Variants in ABCA13 observed in about 807,000 individuals in gnomAD.
The protein encoded by ABCA13 is ATP-binding cassette sub-family A member 13.
A neutral mutation model predicts 478.7 loss-of-function variants in ABCA13; 476 were observed. The ratio of observed to expected loss-of-function variants is 0.99; its 90% CI spans 0.92 to 1.07. The LOEUF (loss-of-function observed/expected upper bound fraction) is 1.07. ABCA13 is among the 50% of genes least tolerant of loss of function. ABCA13 has a pLI of 0.00. For missense variants in ABCA13, 6,060 were observed against 5,910.6 expected, an observed-to-expected ratio of 1.03 and a Z score of -0.83; for synonymous variants, 2,252 against 2,158.9, an observed-to-expected ratio of 1.04 and a Z score of -1.20.
At chr7:48,348,687 AT>A (rs1245003415) in intron 29 of ABCA13, among the ~76,000 whole-genome samples, 1 of 152,170 alleles carries the variant, frequency 6.6e-6, no homozygotes, top group African/African-American at 2.4e-5. Context: ...CCTTTTTTAT[AT>A]CTTTTATTTC....
chr7:48,587,317 G>T (rs1045231794), intron 57 of ABCA13, 29 bp downstream of exon 57: 3 of 1,575,554 alleles, frequency 1.9e-6, no homozygotes, highest in Non-Finnish European at 2.6e-6. Context: ...ATATCTTGGA[G>T]TAAGATACAT....
chr7:48,423,269 G>A (rs577312351), intron 41 of ABCA13, among the ~76,000 whole-genome samples: 1 of 152,176 alleles, frequency 6.6e-6, no homozygotes, highest in Admixed American at 6.5e-5. Flanking sequence ...TCACTTTGGG[G>A]AAACAGAAAG....
intron 26 of ABCA13, among the ~76,000 whole-genome samples, chr7:48,315,228 C>T (rs1047350417): frequency 6.6e-6 from 1 of 152,160 alleles, no homozygotes; most frequent in African/African-American, 2.4e-5. Context: ...TATTCGTTTT[C>T]TATGCTGCAT....
intron 49 of ABCA13, among the ~76,000 whole-genome samples, chr7:48,507,565 A>T (rs1042483922): frequency 2.0e-5 from 3 of 152,052 alleles, no homozygotes; most frequent in African/African-American, 7.2e-5. Context: ...TGCTCAGAGG[A>T]TATCTTTCAT....
At chr7:48,255,820 A>G (rs890250353) in intron 15 of ABCA13, among the ~76,000 whole-genome samples, 1 of 152,192 alleles carries the variant, frequency 6.6e-6, no homozygotes, top group African/African-American at 2.4e-5. Flanking sequence ...CTTTGGGTAT[A>G]TACACAATAA....
chr7:48,481,437 A>G (rs932215638), intron 46 of ABCA13, among the ~76,000 whole-genome samples: 50 of 152,222 alleles, frequency 3.3e-4, no homozygotes, highest in African/African-American at 1.1e-3. Context: ...GATGCCATGG[A>G]CCTTAATAAG....
intron 2 of ABCA13, among the ~76,000 whole-genome samples, chr7:48,194,980 G>A (rs754037234): frequency 3.3e-5 from 5 of 152,222 alleles, no homozygotes; most frequent in African/African-American, 4.8e-5. Flanking sequence ...TTAGACTGTA[G>A]TGGGAAAATT....
chr7:48,376,928 G>T (rs182365430), intron 35 of ABCA13, among the ~76,000 whole-genome samples: 78 of 152,232 alleles, frequency 5.1e-4, no homozygotes, highest in African/African-American at 1.8e-3. Flanking sequence ...GGGGTGCTCA[G>T]AGTGCCTTGG....
At chr7:48,538,387 C>T (rs1018573955) in intron 55 of ABCA13, among the ~76,000 whole-genome samples, 6 of 152,128 alleles carry the variant, frequency 3.9e-5, no homozygotes, top group African/African-American at 1.4e-4. Flanking sequence ...AGGTGTGAGC[C>T]ATCGCGCCCA....
At chr7:48,511,345 C>T (rs1831667381) in intron 51 of ABCA13, 146 bp downstream of exon 51, 1 of 685,910 alleles carries the variant, frequency 1.5e-6, no homozygotes, top group Non-Finnish European at 2.4e-6. Flanking sequence ...ACGGAGCAAA[C>T]AAGCCTGAGC....
chr7:48,206,860 A>G (rs1269062950), intron 3 of ABCA13, among the ~76,000 whole-genome samples: 1 of 151,980 alleles, frequency 6.6e-6, no homozygotes, highest in African/African-American at 2.4e-5. Context: ...GTAATAAATT[A>G]TTGTTATCTA....
intron 46 of ABCA13, among the ~76,000 whole-genome samples, chr7:48,482,057 G>A (rs1489585557): frequency 1.3e-5 from 2 of 152,004 alleles, no homozygotes; most frequent in East Asian, 3.9e-4. Flanking sequence ...TTTTTTAAAT[G>A]TTAACCCTTT....
At chr7:48,389,289 CAGA>C (rs2129053165) in intron 37 of ABCA13, 69 bp downstream of exon 37, 1 of 1,502,290 alleles carries the variant, frequency 6.7e-7, no homozygotes, top group East Asian at 2.3e-5. Flanking sequence ...ACCTGTGAGA[CAGA>C]AGGTTTGATT....
intron 34 of ABCA13, among the ~76,000 whole-genome samples, chr7:48,374,809 A>G (rs1382221950): frequency 1.3e-5 from 2 of 152,148 alleles, no homozygotes; most frequent in Admixed American, 1.3e-4. Context: ...CCTGTTGGGA[A>G]CTGAGCCTTA....
intron 59 of ABCA13, among the ~76,000 whole-genome samples, chr7:48,640,289 T>C (rs1486450607): frequency 6.6e-6 from 1 of 152,226 alleles, no homozygotes; most frequent in Non-Finnish European, 1.5e-5. Context: ...GCACTTGGTA[T>C]AACTTGACAA....
intron 36 of ABCA13, 42 bp from the exon 37 acceptor site, chr7:48,388,998 C>T (rs764967173): frequency 1.5e-5 from 23 of 1,583,638 alleles, no homozygotes; most frequent in Non-Finnish European, 2.0e-5. Flanking sequence ...ATTTTTAGGG[C>T]TTTTGAAGTC....
intron 47 of ABCA13, among the ~76,000 whole-genome samples, chr7:48,484,152 A>T (rs576922180): frequency 6.6e-6 from 1 of 152,354 alleles, no homozygotes; most frequent in Admixed American, 6.5e-5. Context: ...TCAGTGAAAT[A>T]AAAGTTCTTA....
intron 51 of ABCA13, among the ~76,000 whole-genome samples, chr7:48,514,426 A>G (rs1291839084): frequency 6.6e-6 from 1 of 152,200 alleles, no homozygotes; most frequent in African/African-American, 2.4e-5. Context: ...TGTCACATGG[A>G]AAAGAAAAGC....
chr7:48,497,670 T>C (rs1341174079), intron 48 of ABCA13, among the ~76,000 whole-genome samples: 3 of 152,166 alleles, frequency 2.0e-5, no homozygotes, highest in Non-Finnish European at 2.9e-5. Context: ...TTTGTGCAGA[T>C]GAGTGGGACC....
Sources: gnomAD v4.1 joint callset for allele counts (sites outside exome capture counted in the v4.1 genomes callset) on GRCh38, gnomAD v4.1.1 for gene constraint, MANE v1.5 for transcripts, NCBI Gene and HGNC (gene_info 2026-07-23, HGNC 2026-07-21) for gene names.